The following ULK4 variants were observed in gnomAD, a reference collection of about 807,000 sequenced individuals.
The protein encoded by ULK4 is inactive serine/threonine-protein kinase ULK4.
A neutral mutation model predicts 160.6 loss-of-function variants in ULK4; 133 were observed. The observed-to-expected ratio is 0.83, with a 90% CI of 0.72 to 0.96. The LOEUF (loss-of-function observed/expected upper bound fraction) is 0.96, where lower values mean the gene tolerates loss of function less well. Ranked by LOEUF, ULK4 falls within the 40% of genes least tolerant of loss-of-function variation. The pLI is 0.00. For synonymous variants in ULK4, 534 were observed against 539.8 expected (o/e 0.99, Z 0.15); for missense variants, 1,580 against 1,499.5 (o/e 1.05, Z -0.89).
intron 32 of ULK4, among the ~76,000 whole-genome samples, chr3:41,555,965 G>C (rs956557722): frequency 6.6e-6 from 1 of 152,176 alleles, no homozygotes; most frequent in Non-Finnish European, 1.5e-5. Flanking sequence ...TTATAAGTAG[G>C]AGCTAAATGA....
intron 35 of ULK4, among the ~76,000 whole-genome samples, chr3:41,249,991 T>G (rs2078714941): frequency 6.6e-6 from 1 of 152,188 alleles, no homozygotes; most frequent in Non-Finnish European, 1.5e-5. Context: ...CATGATCTCT[T>G]TCACGTGGAT....
intron 20 of ULK4, among the ~76,000 whole-genome samples, chr3:41,799,089 G>A (rs2125602846): frequency 6.6e-6 from 1 of 152,250 alleles, no homozygotes; most frequent in Middle Eastern, 3.4e-3. Flanking sequence ...GATACGTGAT[G>A]AAAATGAGGG....
At position 41,954,641 on chromosome 3, in the gene ULK4, C is replaced by A; in HGVS notation, c.119G>T (p.Arg40Met). 6.2e-7 allele frequency: 1 copy of A among 1,613,524 alleles called. No homozygotes were observed. Residue 40 changes from arginine to methionine, a missense_variant, in exon 2 of 37, where the codon AGG becomes ATG. Coordinates refer to ENST00000301831, the MANE Select transcript of ULK4 (RefSeq NM_017886.4). ...VAILCTDKCK[R>M]PEITNWVRLT... ...ACTTACCCAGTTGGTTATTTCAGGC[C>A]TTTTGCACTTATCAGTACAAAGAAT...
At chr3:41,402,175 T>A (rs113549656) in intron 34 of ULK4, among the ~76,000 whole-genome samples, 23 of 152,342 alleles carry the variant, frequency 1.5e-4, no homozygotes, top group Middle Eastern at 3.4e-3. Flanking sequence ...ATTTAATGTA[T>A]ACATTTTGAT....
chr3:41,558,407 T>C (rs1027730683), intron 32 of ULK4, among the ~76,000 whole-genome samples: 1 of 151,972 alleles, frequency 6.6e-6, no homozygotes, highest in Admixed American at 6.6e-5. Flanking sequence ...AATGACCACA[T>C]AGAAACACAA....
chr3:41,283,235 G>GC (rs2079393943), intron 35 of ULK4, among the ~76,000 whole-genome samples: 1 of 152,214 alleles, frequency 6.6e-6, no homozygotes, highest in South Asian at 2.1e-4. Flanking sequence ...GGAAGACAGC[G>GC]TGGTGATTCC....
intron 19 of ULK4, among the ~76,000 whole-genome samples, chr3:41,812,852 G>A (rs1473434001): frequency 6.6e-6 from 1 of 152,154 alleles, no homozygotes; most frequent in African/African-American, 2.4e-5. Flanking sequence ...TCTTTCATAT[G>A]TGTGTACATT....
intron 3 of ULK4, chr3:41,937,195 C>A: frequency 2.1e-6 from 1 of 473,568 alleles, no homozygotes; most frequent in Non-Finnish European, 3.8e-6. Flanking sequence ...CGTGCAGTTA[C>A]AAACGTAGGC....
intron 30 of ULK4, among the ~76,000 whole-genome samples, chr3:41,631,522 T>C (rs913446528): frequency 1.3e-5 from 2 of 152,194 alleles, no homozygotes; most frequent in African/African-American, 2.4e-5. Flanking sequence ...ATTAAAAATA[T>C]GGATTTTAGT....
intron 5 of ULK4, among the ~76,000 whole-genome samples, chr3:41,931,180 A>G (rs933503315): frequency 4.6e-5 from 7 of 152,198 alleles, no homozygotes; most frequent in African/African-American, 1.7e-4. Flanking sequence ...TGTCCTTTGC[A>G]GGGACATGGA....
At chr3:41,686,489 T>A (rs2125798350) in intron 27 of ULK4, among the ~76,000 whole-genome samples, 1 of 152,318 alleles carries the variant, frequency 6.6e-6, no homozygotes, top group East Asian at 1.9e-4. Flanking sequence ...TTTATGTGTG[T>A]GTGTGTGTAA....
intron 35 of ULK4, among the ~76,000 whole-genome samples, chr3:41,333,901 G>A (rs557518695): frequency 8.5e-5 from 13 of 152,186 alleles, no homozygotes; most frequent in African/African-American, 3.1e-4. Flanking sequence ...TGGTATTGGG[G>A]ATCTACTGAT....
At chr3:41,852,482 T>G (rs536539045) in intron 17 of ULK4, among the ~76,000 whole-genome samples, 2 of 152,298 alleles carry the variant, frequency 1.3e-5, no homozygotes, top group South Asian at 2.1e-4. Context: ...ATCTTCTGCA[T>G]ATTACTCCTA....
At chr3:41,617,887 AG>A (rs1386223022) in intron 30 of ULK4, among the ~76,000 whole-genome samples, 1 of 152,224 alleles carries the variant, frequency 6.6e-6, no homozygotes, top group Non-Finnish European at 1.5e-5. Context: ...AAAAGGTTAC[AG>A]GAACTGCTTA....
chr3:41,844,018 A>G (rs1439961051), intron 17 of ULK4, among the ~76,000 whole-genome samples: 4 of 152,182 alleles, frequency 2.6e-5, no homozygotes, highest in Non-Finnish European at 5.9e-5. Flanking sequence ...AGTTAGACAC[A>G]GGGTGCTGAT....
chr3:41,958,455 A>C (rs1700554127), intron 1 of ULK4, among the ~76,000 whole-genome samples: 1 of 151,892 alleles, frequency 6.6e-6, no homozygotes, highest in Non-Finnish European at 1.5e-5. Context: ...TAATCCCAGC[A>C]CTTTGGGAGG....
chr3:41,647,109 A>T (rs2034531333), intron 30 of ULK4, among the ~76,000 whole-genome samples: 1 of 152,058 alleles, frequency 6.6e-6, no homozygotes, highest in Non-Finnish European at 1.5e-5. Context: ...TTTTTTTTAA[A>T]GTTTGTAACT....
chr3:41,373,489 A>G lies in ULK4; in HGVS notation c.3678+24590T>C, dbSNP rs188779404. Reference sequence around the variant, plus strand: ...AAATCAGGGTTAAGAAACTCACTCAAAACGGCACAACTACGTGGAAGCTGA... The same window carrying G: ...AAATCAGGGTTAAGAAACTCACTCAGAACGGCACAACTACGTGGAAGCTGA... On this transcript the variant is annotated intron_variant, in intron 35 of 36. Transcript: ENST00000301831. Among the ~76,000 whole-genome samples, 25 of 152,332 alleles carry G rather than the reference A, an allele frequency of 1.6e-4. No individual in the cohort carries two copies. In the East Asian group the frequency reaches 4.8e-3, roughly 29 times the overall value.
intron 32 of ULK4, among the ~76,000 whole-genome samples, chr3:41,557,717 A>G (rs937972723): frequency 4.6e-5 from 7 of 152,002 alleles, no homozygotes; most frequent in African/African-American, 1.4e-4. Context: ...ATAAGCTCTG[A>G]TTGTGTTACT....
Sources: gnomAD v4.1 joint callset for allele counts (sites outside exome capture counted in the v4.1 genomes callset) on GRCh38, gnomAD v4.1.1 for gene constraint, MANE v1.5 for transcripts, NCBI Gene and HGNC (gene_info 2026-07-23, HGNC 2026-07-21) for gene names.